The following PDSS2 variants were observed in gnomAD, a reference collection of about 807,000 sequenced individuals.
PDSS2 encodes the protein decaprenyl diphosphate synthase subunit 2.
Under a neutral mutation model 44.5 loss-of-function variants are expected in PDSS2, and 31 were observed. The ratio of observed to expected loss-of-function variants is 0.70; its 90% CI spans 0.52 to 0.94. The LOEUF is 0.94. Among genes scored for constraint, PDSS2 ranks in the 40% least tolerant of loss-of-function variants. The pLI, the probability that PDSS2 is intolerant of heterozygous loss-of-function variation, is 0.00. For missense variants in PDSS2, 452 were observed against 482.2 expected (o/e 0.94, Z 0.59); for synonymous variants, 157 against 180.3 (o/e 0.87, Z 1.03).
At chr6:107,181,755 T>C (rs1045838178) in intron 7 of PDSS2, among the ~76,000 whole-genome samples, 7 of 149,756 alleles carry the variant, frequency 4.7e-5, no homozygotes, top group African/African-American at 1.7e-4. Flanking sequence ...CCAGGCATGG[T>C]GGTGCACACC....
At chr6:107,436,468 T>C (rs948262819) in intron 1 of PDSS2, among the ~76,000 whole-genome samples, 1 of 152,208 alleles carries the variant, frequency 6.6e-6, no homozygotes, top group African/African-American at 2.4e-5. Context: ...AAATAATATA[T>C]GTACCCTTTT....
chr6:107,288,762 T>G (rs1024236087), intron 2 of PDSS2, among the ~76,000 whole-genome samples: 159 of 143,566 alleles, frequency 1.1e-3, no homozygotes, highest in Non-Finnish European at 2.0e-3. Context: ...TGTTTTTTTT[T>G]TTTTTTTTTT....
chr6:107,258,857 C>A (rs755253689), intron 3 of PDSS2, among the ~76,000 whole-genome samples: 41 of 152,036 alleles, frequency 2.7e-4, no homozygotes, highest in Non-Finnish European at 7.4e-5. Context: ...AATATGTATT[C>A]CAATATTTAG....
chr6:107,283,674 C>T (rs191058354), intron 2 of PDSS2, among the ~76,000 whole-genome samples: 217 of 151,284 alleles, frequency 1.4e-3, no homozygotes, highest in African/African-American at 4.3e-3. Flanking sequence ...GAGCTGAGAT[C>T]GCGCCATGGC....
chr6:107,270,497 T>C (rs1405257059), intron 3 of PDSS2, among the ~76,000 whole-genome samples: 1 of 152,206 alleles, frequency 6.6e-6, no homozygotes, highest in Non-Finnish European at 1.5e-5. Flanking sequence ...CCAAATCATA[T>C]AGTTCAGTGA....
At chr6:107,190,090 A>G (rs995762571) in intron 7 of PDSS2, among the ~76,000 whole-genome samples, 1 of 151,792 alleles carries the variant, frequency 6.6e-6, no homozygotes, top group Non-Finnish European at 1.5e-5. Context: ...TCTCTAAAAA[A>G]AAAAAACAAA....
At chr6:107,394,022 T>A (rs1234781043) in intron 1 of PDSS2, among the ~76,000 whole-genome samples, 1 of 152,210 alleles carries the variant, frequency 6.6e-6, no homozygotes, top group Non-Finnish European at 1.5e-5. Context: ...TTGCTTTTTA[T>A]CTGGAAGATT....
At chr6:107,160,990 G>A (rs1352233133) in intron 7 of PDSS2, among the ~76,000 whole-genome samples, 4 of 151,212 alleles carry the variant, frequency 2.6e-5, no homozygotes, top group African/African-American at 7.3e-5. Flanking sequence ...TGCCCACCTC[G>A]GCCTCCAAAA....
intron 2 of PDSS2, among the ~76,000 whole-genome samples, chr6:107,319,456 G>A (rs1777314772): frequency 6.6e-6 from 1 of 152,128 alleles, no homozygotes; most frequent in South Asian, 2.1e-4. Flanking sequence ...CTATAAACTT[G>A]TAGTAGTATA....
At chr6:107,301,718 C>A (rs1352243024) in intron 2 of PDSS2, among the ~76,000 whole-genome samples, 1 of 151,984 alleles carries the variant, frequency 6.6e-6, no homozygotes, top group Non-Finnish European at 1.5e-5. Flanking sequence ...AAGCCCAGCA[C>A]TTTTTGAGGC....
At chr6:107,159,388 A>G (rs1164220487) in intron 7 of PDSS2, among the ~76,000 whole-genome samples, 2 of 149,604 alleles carry the variant, frequency 1.3e-5, no homozygotes. Flanking sequence ...AGGGAGAGAA[A>G]GCAAGCAAGC....
At chr6:107,404,875 A>T (rs1439381821) in intron 1 of PDSS2, among the ~76,000 whole-genome samples, 1 of 152,226 alleles carries the variant, frequency 6.6e-6, no homozygotes, top group Non-Finnish European at 1.5e-5. Context: ...GAAATAATTC[A>T]TGAAAACTTC....
At chr6:107,372,570 G>C (rs2114393197) in intron 1 of PDSS2, among the ~76,000 whole-genome samples, 1 of 152,294 alleles carries the variant, frequency 6.6e-6, no homozygotes, top group African/African-American at 2.4e-5. Flanking sequence ...TCCTGCCTCA[G>C]CCTCCCGAGT....
At chr6:107,344,667 T>C (rs1450893187) in intron 1 of PDSS2, among the ~76,000 whole-genome samples, 2 of 152,004 alleles carry the variant, frequency 1.3e-5, no homozygotes, top group Non-Finnish European at 2.9e-5. Flanking sequence ...GAAAGTAGAA[T>C]GGGGGTAGGG....
intron 7 of PDSS2, among the ~76,000 whole-genome samples, chr6:107,179,297 T>C (rs1562355782): frequency 1.3e-5 from 2 of 152,160 alleles, no homozygotes; most frequent in African/African-American, 4.8e-5. Context: ...TCTTTTTTTT[T>C]TTAGATGGAG....
chr6:107,412,630 G>T lies in PDSS2; in HGVS notation c.296+46360C>A, dbSNP rs1428525256. Among the ~76,000 whole-genome samples, 3 of 152,078 alleles carry T rather than the reference G, an allele frequency of 2.0e-5. No individual in the cohort carries two copies. In the East Asian group the frequency reaches 5.8e-4, roughly 29 times the overall value. On this transcript the variant is annotated intron_variant, in intron 1 of 7. Coordinates refer to ENST00000369037, the MANE Select transcript of PDSS2 (RefSeq NM_020381.4). Reference sequence around the variant, plus strand: ...ACTGTCGGCAACATAAGCGTCAATTGTTTTAAAAACTGTATTTCTCTTTTG... The same window carrying T: ...ACTGTCGGCAACATAAGCGTCAATTTTTTTAAAAACTGTATTTCTCTTTTG...
chr6:107,426,695 C>A (rs1050579650), intron 1 of PDSS2, among the ~76,000 whole-genome samples: 1 of 152,204 alleles, frequency 6.6e-6, no homozygotes, highest in African/African-American at 2.4e-5. Context: ...CCACCCTTTG[C>A]ATCAGCGTGA....
chr6:107,156,231 G>A (rs1404379365), intron 7 of PDSS2, among the ~76,000 whole-genome samples: 1 of 127,554 alleles, frequency 7.8e-6, no homozygotes, highest in Middle Eastern at 6.3e-3. Context: ...ATGGAGTCTC[G>A]CTCTGTCACC....
chr6:107,405,144 A>C (rs78486545), intron 1 of PDSS2, among the ~76,000 whole-genome samples: 1 of 126,858 alleles, frequency 7.9e-6, no homozygotes, highest in African/African-American at 2.7e-5. Context: ...ATGCTTAAAG[A>C]AAAAAAAAAA....
Sources: gnomAD v4.1 joint callset for allele counts (sites outside exome capture counted in the v4.1 genomes callset) on GRCh38, gnomAD v4.1.1 for gene constraint, MANE v1.5 for transcripts, NCBI Gene and HGNC (gene_info 2026-07-23, HGNC 2026-07-21) for gene names.